The following SLC4A8 variants were observed in gnomAD, a reference collection of about 807,000 sequenced individuals.
The protein encoded by SLC4A8 is electroneutral sodium bicarbonate exchanger 1.
A neutral mutation model predicts 125.0 loss-of-function variants in SLC4A8; 40 were observed. That is an observed-to-expected ratio of 0.32 (90% CI 0.25 to 0.42). SLC4A8 has a LOEUF of 0.42. Ranked by LOEUF, SLC4A8 falls within the 10% of genes least tolerant of loss-of-function variation. The probability of loss-of-function intolerance (pLI) is 1.00; values close to 1 mark genes in which losing one functional copy is unlikely to be tolerated. For missense variants in SLC4A8, 863 were observed against 1,355.1 expected, an observed-to-expected ratio of 0.64 and a Z score of 5.70; for synonymous variants, 456 against 476.0, an observed-to-expected ratio of 0.96 and a Z score of 0.55.
chr12:51,497,460 T>C (rs577971924), intron 22 of SLC4A8: 1 of 194,442 alleles, frequency 5.1e-6, no homozygotes, highest in African/African-American at 2.4e-5. Context: ...TAAGACCCAT[T>C]ATTTCCTAGA....
chr12:51,497,115 G>A lies in SLC4A8; in HGVS notation c.3072G>A (p.Lys1024=), dbSNP rs149950424. The A allele has an allele frequency of 4.7e-4, 765 of 1,613,264 alleles. 2 individuals carry two copies. In the African/African-American group the frequency reaches 9.5e-3, roughly 20 times the overall value. ...TGGATGATGCCAAAAAGAAGGCCAAGGAGGAAGAGGTCATAGTCCTTGCAC... is the reference window on the plus strand; with the variant it reads ...TGGATGATGCCAAAAAGAAGGCCAAAGAGGAAGAGGTCATAGTCCTTGCAC... ...KKLDDAKKKA[K]EEEEAEKMLE... The change falls in exon 22 of 25, where the codon AAG becomes AAA. Residue 1024 remains lysine, a synonymous_variant. Transcript: ENST00000453097.
chr12:51,481,791 A>T (rs1418456119), intron 16 of SLC4A8, among the ~76,000 whole-genome samples: 2 of 144,382 alleles, frequency 1.4e-5, no homozygotes, highest in Admixed American at 6.9e-5. Context: ...AAGTATATAT[A>T]AAAAAAAAAA....
chr12:51,478,267 T>A (rs1228194949), intron 16 of SLC4A8, among the ~76,000 whole-genome samples: 3 of 125,596 alleles, frequency 2.4e-5, no homozygotes, highest in Admixed American at 8.1e-5. Context: ...AGAGCGAAAC[T>A]CCGTCTCAAA....
intron 16 of SLC4A8, among the ~76,000 whole-genome samples, chr12:51,476,503 A>C (rs1328756735): frequency 6.6e-6 from 1 of 152,190 alleles, no homozygotes; most frequent in Admixed American, 6.5e-5. Context: ...GTTAAAAAAA[A>C]AAAGAGCACA....
In SLC4A8 at chr12:51,482,565, T is replaced by A. The variant is rs373007896; in HGVS notation, c.2173-3222T>A. ...TAGCTAATTTTTCTATTTTTAGTAG[T>A]GACAGAGTTTCACCGTGTTGGCCAG... is the stretch of plus-strand genomic sequence containing the variant. On this transcript the variant is annotated intron_variant, in intron 16 of 24. Transcript: ENST00000453097. Among the ~76,000 whole-genome samples, 40 of 152,184 alleles carry A rather than the reference T, an allele frequency of 2.6e-4. No homozygotes were observed. In the East Asian group the frequency reaches 4.1e-3, roughly 15 times the overall value.
rs1435124884 is a variant in SLC4A8, at chr12:51,515,553, G to A, written c.*8115G>A. On this transcript the variant is annotated 3_prime_UTR_variant, in exon 25 of 25. Transcript: ENST00000453097. Reference sequence around the variant, plus strand: ...ATGTACCCTCTCCACACTCCATGATGTAAATAGAACCAGGAATAAATGTGT... The same window carrying A: ...ATGTACCCTCTCCACACTCCATGATATAAATAGAACCAGGAATAAATGTGT... The A allele has an allele frequency of 6.6e-6, 1 of 152,152 alleles. No homozygotes were observed. The highest frequency in any genetic ancestry group is 6.6e-5 in the Admixed American group (1 of 15,266). The allele number at this position is 152,152 out of a possible 1,614,324, so 9.4% of individuals were successfully genotyped here. A position where few individuals can be genotyped will look rare whatever the true frequency, so the allele number is the denominator to read the frequency against.
intron 1 of SLC4A8, among the ~76,000 whole-genome samples, chr12:51,436,059 A>G (rs903620194): frequency 6.6e-6 from 1 of 152,222 alleles, no homozygotes; most frequent in Non-Finnish European, 1.5e-5. Flanking sequence ...AACGCATTGT[A>G]TATTATTGTT....
intron 1 of SLC4A8, among the ~76,000 whole-genome samples, chr12:51,419,537 T>G (rs1355560546): frequency 6.6e-6 from 1 of 152,230 alleles, no homozygotes; most frequent in East Asian, 1.9e-4. Context: ...TGGCAAGTAG[T>G]CCTTGGTTAA....
chr12:51,507,389 T>C (rs1938217156), intron 24 of SLC4A8, 37 bp from the exon 25 acceptor site: 2 of 1,315,046 alleles, frequency 1.5e-6, no homozygotes, highest in African/African-American at 3.0e-5. Flanking sequence ...ATGAATCATA[T>C]GTTCCCTTTT....
At chr12:51,481,973 A>G (rs1951043354) in intron 16 of SLC4A8, among the ~76,000 whole-genome samples, 1 of 152,066 alleles carries the variant, frequency 6.6e-6, no homozygotes, top group African/African-American at 2.4e-5. Context: ...AAAACCAAAA[A>G]AAACAAAGTT....
At chr12:51,461,937 G>A (rs1592224481) in intron 9 of SLC4A8, 1 of 209,936 alleles carries the variant, frequency 4.8e-6, no homozygotes, top group East Asian at 1.7e-4. Context: ...TCCATCCAGT[G>A]TTTCCAACCT....
intron 19 of SLC4A8, among the ~76,000 whole-genome samples, chr12:51,491,214 G>A (rs529684919): frequency 6.6e-6 from 1 of 152,184 alleles, no homozygotes; most frequent in South Asian, 2.1e-4. Context: ...GCTAGAGGAG[G>A]GTTCTGGACT....
intron 16 of SLC4A8, among the ~76,000 whole-genome samples, chr12:51,475,529 CA>C (rs571539424): frequency 1.6e-4 from 25 of 152,314 alleles, no homozygotes; most frequent in Middle Eastern, 3.4e-3. Flanking sequence ...ACACTTAACA[CA>C]CAATAGCTAC....
chr12:51,482,585 G>A (rs1299049697), intron 16 of SLC4A8, among the ~76,000 whole-genome samples: 1 of 152,074 alleles, frequency 6.6e-6, no homozygotes, highest in Non-Finnish European at 1.5e-5. Flanking sequence ...TCACCGTGTT[G>A]GCCAGGCTGG....
chr12:51,445,515 T>C (rs1479782589), intron 2 of SLC4A8, among the ~76,000 whole-genome samples: 1 of 152,130 alleles, frequency 6.6e-6, no homozygotes, highest in Non-Finnish European at 1.5e-5. Flanking sequence ...GCACATAGAT[T>C]CTTCATGACC....
At chr12:51,418,137 G>C (rs1948723165) in intron 1 of SLC4A8, among the ~76,000 whole-genome samples, 1 of 152,230 alleles carries the variant, frequency 6.6e-6, no homozygotes, top group Admixed American at 6.5e-5. Context: ...TCATGTAGAA[G>C]AGTGAGCAGA....
At chr12:51,425,431 C>A (rs773185465) in intron 1 of SLC4A8, 1 of 1,023,286 alleles carries the variant, frequency 9.8e-7, no homozygotes. Flanking sequence ...CACGTCTTCT[C>A]TTTGTGTTTT....
Position 51,505,217 on chromosome 12 carries a change from A to C in SLC4A8, c.3174-618A>C, listed in dbSNP as rs78442567. Among the ~76,000 whole-genome samples the C allele has an allele frequency of 6.9e-3, 1,058 of 152,324 alleles. 10 individuals carry two copies. The highest frequency in any genetic ancestry group is 0.012 in the Non-Finnish European group (805 of 68,034). ...TCTCTTGGCATTTTAGAAGGAGATA[A>C]TCTGGCTTGCAGCAAACATCAAACT... is the stretch of plus-strand genomic sequence containing the variant. On this transcript the variant is annotated intron_variant, in intron 23 of 24. Transcript: ENST00000453097.
chr12:51,449,170 A>G (rs978762840), intron 2 of SLC4A8, among the ~76,000 whole-genome samples: 1 of 152,104 alleles, frequency 6.6e-6, no homozygotes, highest in Non-Finnish European at 1.5e-5. Context: ...GGGTGCAGTG[A>G]TTCACACCTG....
Sources: allele counts gnomAD v4.1 joint callset (sites outside exome capture counted in the v4.1 genomes callset), GRCh38; gene constraint gnomAD v4.1.1; transcripts MANE v1.5; gene names NCBI Gene and HGNC (gene_info 2026-07-23, HGNC 2026-07-21).